Variants in EHMT1 observed in about 807,000 individuals in gnomAD.
The protein encoded by EHMT1 is euchromatic histone lysine methyltransferase 1.
Under a neutral mutation model 147.2 loss-of-function variants are expected in EHMT1, and 15 were observed. The observed-to-expected ratio is 0.10, with a 90% CI of 0.07 to 0.16. The LOEUF is 0.16. EHMT1 is among the 10% of genes least tolerant of loss of function. EHMT1 has a pLI of 1.00. For synonymous variants in EHMT1, 795 were observed against 709.6 expected (o/e 1.12, Z -1.91); for missense variants, 1,587 against 1,772.4 (o/e 0.90, Z 1.88).
Position 137,775,022 on chromosome 9 carries a change from G to T in EHMT1, c.1648-87G>T, listed in dbSNP as rs1239904925. 1.3e-6 allele frequency: 2 copies of T among 1,592,046 alleles called. No homozygotes were observed. The highest frequency in any genetic ancestry group is 2.7e-5 in the African/African-American group (2 of 74,406). The stretch of plus-strand genomic sequence containing the variant: ...AGCCCACACCTGCTGAGCAGCTCTT[G>T]TGTGCCTGCACTGCCCAGCGCCTGG... On this transcript the variant is annotated intron_variant, in intron 10 of 26. Coordinates refer to ENST00000460843, the MANE Select transcript of EHMT1 (RefSeq NM_024757.5). This position sits in a 1 kb window ranked among gnomAD's most constrained non-coding sequence, Gnocchi z 6.1.
At chr9:137,655,919 T>G (rs941731245) in intron 1 of EHMT1, among the ~76,000 whole-genome samples, 2 of 152,194 alleles carry the variant, frequency 1.3e-5, no homozygotes, top group Non-Finnish European at 1.5e-5. Flanking sequence ...TTTAAAGTAA[T>G]GATAAACTGA....
At chr9:137,737,038 T>TA (rs894300659) in intron 4 of EHMT1, among the ~76,000 whole-genome samples, 10 of 151,810 alleles carry the variant, frequency 6.6e-5, no homozygotes, top group African/African-American at 1.4e-4. Context: ...CCCTGTCTCT[T>TA]AAAAAAAATA....
At chr9:137,785,648 C>G (rs1020141686) in intron 15 of EHMT1, 1 of 152,228 alleles carries the variant, frequency 6.6e-6, no homozygotes, top group East Asian at 1.9e-4. Flanking sequence ...ACACTGGGTT[C>G]TCTTTGGCTT....
Position 137,775,838 on chromosome 9 carries a change from C to T in EHMT1, c.1791+586C>T, listed in dbSNP as rs959047334. Reference sequence around the variant, plus strand: ...CCCAGGGCCCCCCGAGAATGGGCTGCTTCCCTTTGGAGCTCCCCTGTGTGG... The same window carrying T: ...CCCAGGGCCCCCCGAGAATGGGCTGTTTCCCTTTGGAGCTCCCCTGTGTGG... On this transcript the variant is annotated intron_variant, in intron 11 of 26. Coordinates refer to ENST00000460843, the MANE Select transcript of EHMT1 (RefSeq NM_024757.5). This position sits in a 1 kb window ranked among gnomAD's most constrained non-coding sequence, Gnocchi z 6.1. Among the ~76,000 whole-genome samples the T allele has an allele frequency of 6.6e-6, 1 of 151,830 alleles. No homozygotes were observed. Among genetic ancestry groups the T allele is most frequent in the Non-Finnish European group, 1.5e-5 (1 of 67,930 alleles).
chr9:137,711,902 G>T (rs763420533), intron 2 of EHMT1, among the ~76,000 whole-genome samples: 4 of 152,202 alleles, frequency 2.6e-5, no homozygotes, highest in Non-Finnish European at 4.4e-5. Context: ...CAGACAGCGC[G>T]CAAGGCCTGG....
Position 137,813,579 on chromosome 9 carries a change from G to T in EHMT1, c.3180+49G>T. ...TGACTCAGGCCAGGACATGGGACAG[G>T]CAGAAGCTTCTTGAGCCTGGGGTCC... On this transcript the variant is annotated intron_variant, in intron 21 of 26. Coordinates refer to ENST00000460843, the MANE Select transcript of EHMT1 (RefSeq NM_024757.5). The surrounding 1 kb of genome is among the most constrained non-coding windows in gnomAD (Gnocchi z 4.9). 1 of 1,610,492 alleles carries T rather than the reference G, an allele frequency of 6.2e-7. No individual in the cohort carries two copies. The highest frequency in any genetic ancestry group is 8.5e-7 in the Non-Finnish European group (1 of 1,179,314).
At chr9:137,762,578 G>T in intron 9 of EHMT1, 97 bp from the exon 10 acceptor site, 1 of 1,587,952 alleles carries the variant, frequency 6.3e-7, no homozygotes, top group Non-Finnish European at 8.6e-7. Flanking sequence ...TCATTTCCTG[G>T]CGTGTGAGAT....
intron 1 of EHMT1, among the ~76,000 whole-genome samples, chr9:137,687,733 G>A (rs1942584758): frequency 1.3e-5 from 2 of 152,226 alleles, no homozygotes; most frequent in African/African-American, 4.8e-5. Context: ...CTGGCCACAC[G>A]CTGAATTTGC....
Position 137,782,435 on chromosome 9 carries a change from G to C in EHMT1, c.2382+38G>C. Reference sequence around the variant, plus strand: ...GGCGCCCTCCTAGGGCTCTTCACCTGCTCTCTTTTATTTTTACCAAAGTAA... The same window carrying C: ...GGCGCCCTCCTAGGGCTCTTCACCTCCTCTCTTTTATTTTTACCAAAGTAA... On this transcript the variant is annotated intron_variant, in intron 15 of 26. Coordinates refer to ENST00000460843, the MANE Select transcript of EHMT1 (RefSeq NM_024757.5). The surrounding 1 kb of genome is among the most constrained non-coding windows in gnomAD (Gnocchi z 5.7). 6.5e-7 allele frequency: 1 copy of C among 1,541,938 alleles called. No individual in the cohort carries two copies. Among genetic ancestry groups the C allele is most frequent in the Non-Finnish European group, 8.8e-7 (1 of 1,137,296 alleles).
rs772857770 is a variant in EHMT1, at chr9:137,816,045, C to T, written c.3357C>T (p.Val1119=). 64 of 1,612,270 alleles carry T rather than the reference C, an allele frequency of 4.0e-5. No individual in the cohort carries two copies. The highest frequency in any genetic ancestry group is 3.3e-4 in the Middle Eastern group (2 of 6,084). The stretch of plus-strand genomic sequence containing the variant: ...GCTGGAGGAACTGCCGAAATCGCGT[C>T]GTACAGAATGGTCTCAGGTGAGAGG... ...CSCWRNCRNR[V]VQNGLRARLQ... Residue 1119 remains valine, a synonymous_variant, in exon 23 of 27, where the codon GTC becomes GTT. Coordinates refer to ENST00000460843, the MANE Select transcript of EHMT1 (RefSeq NM_024757.5).
In EHMT1 at chr9:137,717,031, C is replaced by T. The variant is rs1420527542; in HGVS notation, c.491C>T (p.Thr164Ile). Reference protein sequence around the residue: ...TLPGGAGKGRTPSAFPQTPAA... With the variant: ...TLPGGAGKGRIPSAFPQTPAA... ...CCTGGAGGGGCTGGCAAAGGCAGGACTCCAAGCGCTTTTCCCCAGACGCCA... is the reference window on the plus strand; with the variant it reads ...CCTGGAGGGGCTGGCAAAGGCAGGATTCCAAGCGCTTTTCCCCAGACGCCA... The change falls in exon 3 of 27, where the codon ACT becomes ATT. Residue 164 changes from threonine (T) to isoleucine (I), a missense_variant. Around this residue, in one of 7 missense-constraint regions of EHMT1, gnomAD observed 810 missense variants for 673.0 expected, o/e 1.20. Coordinates refer to ENST00000460843, the MANE Select transcript of EHMT1 (RefSeq NM_024757.5). 1 of 1,606,988 alleles carries T rather than the reference C, an allele frequency of 6.2e-7. No homozygotes were observed. The highest frequency in any genetic ancestry group is 8.5e-7 in the Non-Finnish European group (1 of 1,175,830).
intron 25 of EHMT1, among the ~76,000 whole-genome samples, chr9:137,831,348 GGA>G (rs1462132991): frequency 1.3e-4 from 20 of 152,196 alleles, no homozygotes; most frequent in Non-Finnish European, 1.9e-4. Flanking sequence ...CAGGATTTGG[GGA>G]GAGTCATCAT....
chr9:137,809,676 T>A (rs1312623774), intron 18 of EHMT1, among the ~76,000 whole-genome samples: 1 of 152,242 alleles, frequency 6.6e-6, no homozygotes, highest in Non-Finnish European at 1.5e-5. Context: ...GTGCTTTTAA[T>A]CCAGCAATCC....
intron 1 of EHMT1, among the ~76,000 whole-genome samples, chr9:137,631,106 C>T (rs576540810): frequency 7.0e-4 from 107 of 152,128 alleles, no homozygotes; most frequent in Middle Eastern, 3.4e-3. Flanking sequence ...AAAGTATGGC[C>T]GTGTGTGGTG....
At chr9:137,768,347 G>GTTT (rs768762232) in intron 10 of EHMT1, among the ~76,000 whole-genome samples, 1,391 of 92,502 alleles carry the variant, frequency 0.015, 8 homozygotes, top group Non-Finnish European at 0.018. Flanking sequence ...TTTTCTGTGT[G>GTTT]TTTTTTTTTT....
rs548680893 is a variant in EHMT1, at chr9:137,834,967, A to C, written c.*14A>C. 10 of 1,401,642 alleles carry C rather than the reference A, an allele frequency of 7.1e-6. No homozygotes were observed. In the South Asian group the frequency reaches 1.6e-4, roughly 22 times the overall value. The allele number at this position is 1,401,642 out of a possible 1,614,324, so 86.8% of individuals were successfully genotyped here. A position where few individuals can be genotyped will look rare whatever the true frequency, so the allele number is the denominator to read the frequency against. ...GACCCCCTATGAGACGCCGCCGGCC[A>C]GCGGGGCGCTCGGGAGCCAGGGACC... On this transcript the variant is annotated 3_prime_UTR_variant, in exon 27 of 27. Transcript: ENST00000460843.
intron 1 of EHMT1, among the ~76,000 whole-genome samples, chr9:137,625,128 C>T (rs1166965694): frequency 2.6e-5 from 4 of 151,796 alleles, no homozygotes; most frequent in African/African-American, 9.7e-5. Context: ...GTGATCCACC[C>T]GCCTCAGCCT....
chr9:137,834,560 C>G (rs1956467273), intron 26 of EHMT1, 36 bp downstream of exon 26: 1 of 1,607,288 alleles, frequency 6.2e-7, no homozygotes. Flanking sequence ...ATCTCCGCTG[C>G]CGGCGGGACG....
intron 25 of EHMT1, chr9:137,834,045 C>A: frequency 2.1e-6 from 1 of 485,232 alleles, no homozygotes; most frequent in Non-Finnish European, 3.8e-6. Context: ...ATGGCGCTGT[C>A]CACATTCCAC....
Sources: allele counts gnomAD v4.1 joint callset (sites outside exome capture counted in the v4.1 genomes callset), GRCh38; gene constraint gnomAD v4.1.1; regional missense constraint gnomAD v4.1.1; non-coding constraint Gnocchi (gnomAD v3.1); transcripts MANE v1.5; gene names NCBI Gene and HGNC (gene_info 2026-07-23, HGNC 2026-07-21).